The following OPCML variants were observed in gnomAD, a reference collection of about 807,000 sequenced individuals.
OPCML encodes opioid binding protein/cell adhesion molecule like.
In OPCML, 13 loss-of-function variants were observed where a neutral mutation model predicts 37.8. The ratio of observed to expected loss-of-function variants is 0.34; its 90% CI spans 0.22 to 0.55. OPCML has a LOEUF of 0.55. Ranked by LOEUF, OPCML falls within the 20% of genes least tolerant of loss-of-function variation. The probability of loss-of-function intolerance (pLI) is 0.91; values close to 1 mark genes in which losing one functional copy is unlikely to be tolerated. For missense variants in OPCML, 341 were observed against 435.6 expected, an observed-to-expected ratio of 0.78 and a Z score of 1.93; for synonymous variants, 176 against 168.8, an observed-to-expected ratio of 1.04 and a Z score of -0.33.
chr11:132,993,798 G>C (rs1382756533), intron 1 of OPCML, among the ~76,000 whole-genome samples: 1 of 152,112 alleles, frequency 6.6e-6, no homozygotes, highest in Non-Finnish European at 1.5e-5. Flanking sequence ...TCTAGACATT[G>C]ACAGGCCACT....
intron 2 of OPCML, among the ~76,000 whole-genome samples, chr11:132,676,414 A>C (rs781007146): frequency 7.0e-4 from 106 of 152,206 alleles, no homozygotes; most frequent in African/African-American, 2.1e-3. Context: ...TATAAGCAAC[A>C]AATAAAAAAA....
intron 1 of OPCML, among the ~76,000 whole-genome samples, chr11:133,453,527 T>C (rs1178773913): frequency 4.6e-5 from 7 of 152,198 alleles, no homozygotes; most frequent in Non-Finnish European, 7.4e-5. Context: ...AAGCCAAACA[T>C]ATAGATTGCA....
intron 1 of OPCML, among the ~76,000 whole-genome samples, chr11:133,126,395 C>T (rs958902135): frequency 3.9e-5 from 6 of 152,160 alleles, no homozygotes; most frequent in Non-Finnish European, 8.8e-5. Context: ...GCGCTCATCT[C>T]TTCCAGAAAC....
chr11:133,179,924 A>T (rs1218044600), intron 1 of OPCML, among the ~76,000 whole-genome samples: 2 of 152,192 alleles, frequency 1.3e-5, no homozygotes, highest in African/African-American at 4.8e-5. Context: ...AGCAGAAGGT[A>T]AAGCTGGAAG....
chr11:132,712,053 A>G (rs1297622595), intron 2 of OPCML, among the ~76,000 whole-genome samples: 1 of 152,190 alleles, frequency 6.6e-6, no homozygotes, highest in Non-Finnish European at 1.5e-5. Flanking sequence ...TACCTGTCAT[A>G]TTCCCTCACC....
intron 1 of OPCML, among the ~76,000 whole-genome samples, chr11:133,017,942 C>T (rs958014571): frequency 2.6e-5 from 4 of 152,202 alleles, no homozygotes; most frequent in African/African-American, 4.8e-5. Context: ...CGGGTTGCAG[C>T]CCCCTTGCCT....
intron 1 of OPCML, among the ~76,000 whole-genome samples, chr11:133,524,059 C>T (rs1358839953): frequency 6.6e-6 from 1 of 152,228 alleles, no homozygotes; most frequent in African/African-American, 2.4e-5. Context: ...AGAGCAGGAA[C>T]CATAACAATT....
intron 2 of OPCML, among the ~76,000 whole-genome samples, chr11:132,834,791 C>T (rs1252663638): frequency 2.0e-5 from 3 of 152,150 alleles, no homozygotes; most frequent in Non-Finnish European, 2.9e-5. Context: ...GGCAAGAGAG[C>T]GTAGGACTTC....
At chr11:133,019,458 G>C (rs1028887453) in intron 1 of OPCML, among the ~76,000 whole-genome samples, 2 of 152,178 alleles carry the variant, frequency 1.3e-5, no homozygotes, top group African/African-American at 4.8e-5. Context: ...CTTGATATTT[G>C]AATCTAAAGG....
Position 133,532,399 on chromosome 11 carries a change from T to C in OPCML, c.-75A>G, listed in dbSNP as rs1202216251. On this transcript the variant is annotated 5_prime_UTR_variant, in exon 1 of 8. Coordinates refer to ENST00000524381, the MANE Select transcript of OPCML (RefSeq NM_001012393.5). Reference sequence around the variant, plus strand: ...CTGCTACCGCTGCTGCCTTCCTCTGTGCTGAATTCTGAGCAGGTTTAAATC... The same window carrying C: ...CTGCTACCGCTGCTGCCTTCCTCTGCGCTGAATTCTGAGCAGGTTTAAATC... 2 of 1,543,438 alleles carry C rather than the reference T, an allele frequency of 1.3e-6. No individual in the cohort carries two copies. The highest frequency in any genetic ancestry group is 4.7e-5 in the East Asian group (2 of 42,138).
At chr11:132,570,861 T>C (rs1394944702) in intron 3 of OPCML, among the ~76,000 whole-genome samples, 1 of 145,280 alleles carries the variant, frequency 6.9e-6, no homozygotes, top group Non-Finnish European at 1.5e-5. Context: ...CTCCCCATTT[T>C]CCCTTCTCTT....
chr11:133,139,279 T>A (rs972186686), intron 1 of OPCML, among the ~76,000 whole-genome samples: 1 of 152,222 alleles, frequency 6.6e-6, no homozygotes, highest in Non-Finnish European at 1.5e-5. Context: ...AAAACAATAA[T>A]CGTTGCTAGC....
intron 1 of OPCML, among the ~76,000 whole-genome samples, chr11:132,971,752 T>G (rs969473618): frequency 2.6e-5 from 4 of 152,044 alleles, no homozygotes; most frequent in Admixed American, 6.6e-5. Context: ...CTGTCACCTT[T>G]CCCACCCTCT....
At chr11:132,761,229 C>CTTTTTTTTT (rs71067393) in intron 2 of OPCML, among the ~76,000 whole-genome samples, 1 of 122,672 alleles carries the variant, frequency 8.2e-6, no homozygotes, top group African/African-American at 3.0e-5. Context: ...CTGCGCTTAA[C>CTTTTTTTTT]TTTTTTTTTT....
rs144370028 is a variant in OPCML at position 133,139,415 on chromosome 11, G to T, written c.62-196405C>A. ...TCCCCACTTTACAGGTGAAAAAACC[G>T]AGACTCAGAGAGGTTGCCCAGTGCT... is the stretch of plus-strand genomic sequence containing the variant. On this transcript the variant is annotated intron_variant, in intron 1 of 7. Transcript: ENST00000524381. Among the ~76,000 whole-genome samples the T allele has an allele frequency of 5.3e-5, 8 of 152,248 alleles. No individual in the cohort carries two copies. The East Asian group carries it at 1.5e-3, about 29-fold the overall frequency.
intron 1 of OPCML, among the ~76,000 whole-genome samples, chr11:133,466,580 A>T (rs113411426): frequency 5.3e-4 from 81 of 152,248 alleles, no homozygotes; most frequent in African/African-American, 1.9e-3. Flanking sequence ...TTGGGATTAA[A>T]CTATGCGAAC....
At chr11:132,593,530 T>C (rs2096487966) in intron 3 of OPCML, among the ~76,000 whole-genome samples, 3 of 152,144 alleles carry the variant, frequency 2.0e-5, no homozygotes, top group Admixed American at 2.0e-4. Flanking sequence ...CTGCTTTCAA[T>C]GTTGAAAATG....
chr11:132,777,338 G>A (rs563744579), intron 2 of OPCML, among the ~76,000 whole-genome samples: 7 of 152,184 alleles, frequency 4.6e-5, no homozygotes, highest in East Asian at 1.9e-4. Context: ...GTTAGAGCAC[G>A]CACAAAGGAA....
chr11:133,270,542 T>C (rs1034049592), intron 1 of OPCML, among the ~76,000 whole-genome samples: 3 of 152,158 alleles, frequency 2.0e-5, no homozygotes, highest in African/African-American at 4.8e-5. Flanking sequence ...CCATTTAAAA[T>C]AGATATCAAA....
Sources: gnomAD v4.1 joint callset for allele counts (sites outside exome capture counted in the v4.1 genomes callset) on GRCh38, gnomAD v4.1.1 for gene constraint, MANE v1.5 for transcripts, NCBI Gene and HGNC (gene_info 2026-07-23, HGNC 2026-07-21) for gene names.